Variants in SEMA5A observed in about 807,000 individuals in gnomAD.
The protein encoded by SEMA5A is semaphorin 5A.
In SEMA5A, 55 loss-of-function variants were observed where a neutral mutation model predicts 135.5. That is an observed-to-expected ratio of 0.41 (90% CI 0.33 to 0.51). SEMA5A has a LOEUF of 0.51. Ranked by LOEUF, SEMA5A falls within the 20% of genes least tolerant of loss-of-function variation. The pLI, the probability that SEMA5A is intolerant of heterozygous loss-of-function variation, is 0.37. For missense variants in SEMA5A, 1,290 were observed against 1,419.9 expected (o/e 0.91, Z 1.47); for synonymous variants, 580 against 546.5 (o/e 1.06, Z -0.85).
At chr5:9,309,840 T>C (rs1752040784) in intron 5 of SEMA5A, among the ~76,000 whole-genome samples, 1 of 152,190 alleles carries the variant, frequency 6.6e-6, no homozygotes, top group East Asian at 1.9e-4. Flanking sequence ...AGAGTAAATA[T>C]GTTTGAATAA....
At chr5:9,456,297 A>G (rs546597667) in intron 1 of SEMA5A, among the ~76,000 whole-genome samples, 91 of 152,338 alleles carry the variant, frequency 6.0e-4, no homozygotes, top group African/African-American at 2.0e-3. Flanking sequence ...TGGGAGGTTT[A>G]TCCTCTTCTG....
intron 5 of SEMA5A, among the ~76,000 whole-genome samples, chr5:9,240,079 T>C (rs374694218): frequency 6.6e-5 from 10 of 152,068 alleles, no homozygotes; most frequent in African/African-American, 2.2e-4. Flanking sequence ...AATGTGAGAG[T>C]TTTAAAAAAT....
At chr5:9,123,529 T>C (rs1226301337) in intron 13 of SEMA5A, among the ~76,000 whole-genome samples, 2 of 151,668 alleles carry the variant, frequency 1.3e-5, no homozygotes, top group Non-Finnish European at 2.9e-5. Flanking sequence ...GAGTGAAGGA[T>C]ACTAGTGACT....
At chr5:9,433,090 G>T (rs1052892454) in intron 2 of SEMA5A, among the ~76,000 whole-genome samples, 1 of 152,090 alleles carries the variant, frequency 6.6e-6, no homozygotes, top group Non-Finnish European at 1.5e-5. Context: ...TCTCCCACTT[G>T]TACAAATATT....
intron 18 of SEMA5A, among the ~76,000 whole-genome samples, chr5:9,059,701 C>T (rs1737078972): frequency 6.6e-6 from 1 of 152,084 alleles, no homozygotes; most frequent in Admixed American, 6.6e-5. Context: ...AGGTACATGC[C>T]ACCATGCCAG....
intron 5 of SEMA5A, among the ~76,000 whole-genome samples, chr5:9,259,511 GA>G (rs1470173499): frequency 6.6e-6 from 1 of 150,786 alleles, no homozygotes; most frequent in South Asian, 2.1e-4. Context: ...GTGTGGTGCT[GA>G]AAAAAATGTA....
chr5:9,177,632 G>T (rs1014326489), intron 11 of SEMA5A, among the ~76,000 whole-genome samples: 3 of 152,174 alleles, frequency 2.0e-5, no homozygotes, highest in African/African-American at 7.2e-5. Flanking sequence ...AGCCACCAAG[G>T]CTCATCTCCA....
intron 4 of SEMA5A, among the ~76,000 whole-genome samples, chr5:9,334,214 GA>G (rs560605572): frequency 1.3e-5 from 2 of 150,918 alleles, no homozygotes; most frequent in East Asian, 1.9e-4. Context: ...AGTGCTATGA[GA>G]AAAAAAAATC....
chr5:9,171,273 G>A (rs1743907493), intron 11 of SEMA5A, among the ~76,000 whole-genome samples: 1 of 152,248 alleles, frequency 6.6e-6, no homozygotes, highest in East Asian at 1.9e-4. Context: ...GATCTGGTGA[G>A]CATAAGCCCA....
intron 3 of SEMA5A, among the ~76,000 whole-genome samples, chr5:9,359,897 T>C (rs573098392): frequency 1.5e-4 from 23 of 152,342 alleles, no homozygotes; most frequent in African/African-American, 3.8e-4. Flanking sequence ...AGAACTGCAA[T>C]GATAAAATTA....
At chr5:9,145,641 CTTTTT>C (rs36054284) in intron 12 of SEMA5A, among the ~76,000 whole-genome samples, 16 of 117,536 alleles carry the variant, frequency 1.4e-4, no homozygotes, top group Non-Finnish European at 2.2e-4. Context: ...AAGAAGAAAA[CTTTTT>C]TTTTTTTTTT....
chr5:9,054,101 G>C lies in SEMA5A; in HGVS notation c.2675C>G (p.Thr892Arg), dbSNP rs140400463. Residue 892 changes from threonine (T) to arginine (R), a missense_variant, in exon 19 of 23, where the codon ACG becomes AGG. By Grantham distance (71) the Thr-to-Arg change is moderately conservative (BLOSUM62 -1). Coordinates refer to ENST00000382496, the MANE Select transcript of SEMA5A (RefSeq NM_003966.3). ...GTGCCGCTTACCTGGGCAGGGCTGC[G>C]TGTTGCAGAGTGCCTCTTCTGTGTG... ...GLHTEEALCN[T>R]QPCPESWSEW... is the part of the protein sequence containing the mutation. The C allele has an allele frequency of 6.2e-7, 1 of 1,611,152 alleles. No individual in the cohort carries two copies.
intron 16 of SEMA5A, among the ~76,000 whole-genome samples, chr5:9,076,649 T>TC (rs1199175116): frequency 1.3e-5 from 2 of 152,218 alleles, no homozygotes; most frequent in Non-Finnish European, 2.9e-5. Context: ...CCAAAACAAC[T>TC]ATGAGTTTAT....
chr5:9,494,438 G>T (rs1735197703), intron 1 of SEMA5A, among the ~76,000 whole-genome samples: 1 of 152,096 alleles, frequency 6.6e-6, no homozygotes, highest in Admixed American at 6.6e-5. Flanking sequence ...TCAGAACAGA[G>T]TCTATTCAGG....
At chr5:9,480,655 G>C (rs1367692550) in intron 1 of SEMA5A, among the ~76,000 whole-genome samples, 1 of 152,128 alleles carries the variant, frequency 6.6e-6, no homozygotes, top group African/African-American at 2.4e-5. Context: ...AGTTCAAGTG[G>C]TCCTGGAGCC....
At chr5:9,137,890 GA>G (rs1282445199) in intron 12 of SEMA5A, among the ~76,000 whole-genome samples, 14 of 152,120 alleles carry the variant, frequency 9.2e-5, no homozygotes, top group African/African-American at 3.1e-4. Context: ...TAAACCCCAT[GA>G]CAACCTTATT....
chr5:9,474,205 G>C (rs1165971031), intron 1 of SEMA5A, among the ~76,000 whole-genome samples: 2 of 152,212 alleles, frequency 1.3e-5, no homozygotes, highest in Non-Finnish European at 2.9e-5. Context: ...ATCAGTGAGA[G>C]AAAGGATCTT....
At chr5:9,237,779 GA>G in intron 6 of SEMA5A, 48 bp downstream of exon 6, 1 of 1,530,058 alleles carries the variant, frequency 6.5e-7, no homozygotes, top group Non-Finnish European at 9.1e-7. Flanking sequence ...ATATAGTGTA[GA>G]GTCCTTCAAG....
intron 21 of SEMA5A, among the ~76,000 whole-genome samples, chr5:9,049,386 T>G (rs1736446141): frequency 6.6e-6 from 1 of 152,142 alleles, no homozygotes; most frequent in Non-Finnish European, 1.5e-5. Context: ...CATCTCGAAC[T>G]CCTCCTGACC....
Sources: allele counts gnomAD v4.1 joint callset (sites outside exome capture counted in the v4.1 genomes callset), GRCh38; gene constraint gnomAD v4.1.1; transcripts MANE v1.5; gene names NCBI Gene and HGNC (gene_info 2026-07-23, HGNC 2026-07-21).